Variants in PPARGC1A observed in about 807,000 individuals in gnomAD.
The protein encoded by PPARGC1A is peroxisome proliferator-activated receptor gamma coactivator 1-alpha.
Under a neutral mutation model 88.7 loss-of-function variants are expected in PPARGC1A, and 25 were observed. The observed-to-expected ratio is 0.28, with a 90% CI of 0.21 to 0.39. The LOEUF (loss-of-function observed/expected upper bound fraction) is 0.39. Among genes scored for constraint, PPARGC1A ranks in the 10% least tolerant of loss-of-function variants. The pLI, the probability that PPARGC1A is intolerant of heterozygous loss-of-function variation, is 1.00. For synonymous variants in PPARGC1A, 363 were observed against 355.6 expected (o/e 1.02, Z -0.24); for missense variants, 880 against 968.7 (o/e 0.91, Z 1.22).
chr4:23,890,154 G>C (rs541137779), upstream of PPARGC1A: 1 of 1,213,456 alleles, frequency 8.2e-7, no homozygotes, highest in Admixed American at 3.6e-5. Context: ...CCCCTGTGCA[G>C]CTTGCTGCTC....
At chr4:24,073,990 C>A in the PPARGC1A span, among the ~76,000 whole-genome samples, 1 of 152,042 alleles carries the variant, frequency 6.6e-6, no homozygotes. Flanking sequence ...AGAAACAGCG[C>A]CCAGTGTTCC....
At chr4:23,830,419 G>A (rs940016919) in intron 3 of PPARGC1A, among the ~76,000 whole-genome samples, 6 of 152,080 alleles carry the variant, frequency 3.9e-5, no homozygotes, top group Admixed American at 1.3e-4. Context: ...CTTCCCAAAT[G>A]AACAAATTGA....
chr4:23,998,266 C>A, the PPARGC1A span, among the ~76,000 whole-genome samples: 5 of 152,280 alleles, frequency 3.3e-5, 1 homozygote, highest in East Asian at 9.6e-4. Context: ...TGATTAAATA[C>A]ATGAAATCAC....
chr4:23,804,182 G>A (rs1330757333), intron 10 of PPARGC1A, among the ~76,000 whole-genome samples: 4 of 152,054 alleles, frequency 2.6e-5, no homozygotes, highest in Admixed American at 6.6e-5. Context: ...CAACATTACC[G>A]AAGCCCGACC....
the PPARGC1A span, among the ~76,000 whole-genome samples, chr4:24,385,307 A>G: frequency 1.1e-4 from 16 of 152,304 alleles, no homozygotes; most frequent in African/African-American, 3.9e-4. Flanking sequence ...TCTAAAATCG[A>G]CACCCTAATA....
At chr4:24,179,055 C>T in the PPARGC1A span, among the ~76,000 whole-genome samples, 1 of 152,110 alleles carries the variant, frequency 6.6e-6, no homozygotes, top group Non-Finnish European at 1.5e-5. Flanking sequence ...AAGCAGTGTG[C>T]ATTCGTTGTC....
chr4:23,863,807 C>T (rs551632670), intron 2 of PPARGC1A, among the ~76,000 whole-genome samples: 42 of 152,266 alleles, frequency 2.8e-4, no homozygotes, highest in African/African-American at 8.9e-4. Flanking sequence ...AGTGCAGTGG[C>T]GCAATCTCAG....
chr4:24,286,330 C>A, the PPARGC1A span, among the ~76,000 whole-genome samples: 3 of 152,176 alleles, frequency 2.0e-5, no homozygotes, highest in South Asian at 6.2e-4. Context: ...TTCTCTCCTG[C>A]TAATAGCAAC....
chr4:24,015,219 C>CGT, the PPARGC1A span, among the ~76,000 whole-genome samples: 28 of 152,030 alleles, frequency 1.8e-4, no homozygotes, highest in East Asian at 2.9e-3. Flanking sequence ...TGTATGTATA[C>CGT]ATATACATAC....
chr4:23,956,327 A>G, the PPARGC1A span, among the ~76,000 whole-genome samples: 7 of 152,204 alleles, frequency 4.6e-5, no homozygotes, highest in South Asian at 1.5e-3. Context: ...CTAGATTTCT[A>G]ACAAGCTCCC....
the PPARGC1A span, among the ~76,000 whole-genome samples, chr4:24,014,336 G>A: frequency 7.2e-5 from 11 of 152,132 alleles, no homozygotes; most frequent in African/African-American, 1.9e-4. Flanking sequence ...GGAGGCAGGC[G>A]GCAGCAGGCA....
intron 2 of PPARGC1A, chr4:23,883,597 G>A (rs1194309219): frequency 6.6e-6 from 1 of 152,118 alleles, no homozygotes; most frequent in Non-Finnish European, 1.5e-5. Flanking sequence ...ATGTAAAACA[G>A]GAATGATAAC....
At chr4:23,955,950 G>T in the PPARGC1A span, among the ~76,000 whole-genome samples, 4 of 152,152 alleles carry the variant, frequency 2.6e-5, no homozygotes, top group Non-Finnish European at 5.9e-5. Flanking sequence ...CAGCTTTGAG[G>T]TTCATATGTT....
chr4:24,174,438 G>A, the PPARGC1A span, among the ~76,000 whole-genome samples: 1 of 152,194 alleles, frequency 6.6e-6, no homozygotes, highest in Non-Finnish European at 1.5e-5. Flanking sequence ...GTGATTTATA[G>A]GAGCAGGAAA....
chr4:24,359,540 A>G, the PPARGC1A span, among the ~76,000 whole-genome samples: 1 of 150,212 alleles, frequency 6.7e-6, no homozygotes, highest in Non-Finnish European at 1.5e-5. Flanking sequence ...CCCCTCAAAA[A>G]GATATATTCA....
At chr4:23,867,914 A>C (rs948087592) in intron 2 of PPARGC1A, among the ~76,000 whole-genome samples, 1 of 152,254 alleles carries the variant, frequency 6.6e-6, no homozygotes, top group African/African-American at 2.4e-5. Context: ...AACAGTTGCA[A>C]AAATTTTAAG....
At chr4:24,068,258 G>C in the PPARGC1A span, among the ~76,000 whole-genome samples, 1 of 152,304 alleles carries the variant, frequency 6.6e-6, no homozygotes, top group African/African-American at 2.4e-5. Flanking sequence ...TTTTAAGAGA[G>C]GAGAGGAAAG....
the PPARGC1A span, among the ~76,000 whole-genome samples, chr4:24,152,533 A>G: frequency 1.3e-5 from 2 of 152,344 alleles, no homozygotes; most frequent in African/African-American, 4.8e-5. Flanking sequence ...GTTGAACACA[A>G]TCAGGAGCTA....
At chr4:24,152,212 C>T in the PPARGC1A span, among the ~76,000 whole-genome samples, 1 of 152,276 alleles carries the variant, frequency 6.6e-6, no homozygotes, top group Admixed American at 6.5e-5. Context: ...ACAAAGTTCC[C>T]GTAACTGTCT....
Sources: gnomAD v4.1 joint callset for allele counts (sites outside exome capture counted in the v4.1 genomes callset) on GRCh38, gnomAD v4.1.1 for gene constraint, MANE v1.5 for transcripts, NCBI Gene and HGNC (gene_info 2026-07-23, HGNC 2026-07-21) for gene names.